SYS1: variants seen among roughly 807,000 people sequenced by gnomAD.
SYS1 encodes protein SYS1 homolog.
Under a neutral mutation model 17.8 loss-of-function variants are expected in SYS1, and 8 were observed. The observed-to-expected ratio is 0.45, with a 90% CI of 0.26 to 0.81. SYS1 has a LOEUF of 0.81. Ranked by LOEUF, SYS1 falls within the 40% of genes least tolerant of loss-of-function variation. The pLI is 0.16. For synonymous variants in SYS1, 95 were observed against 90.9 expected (o/e 1.05, Z -0.26); for missense variants, 161 against 203.9 (o/e 0.79, Z 1.28).
At chr20:45,372,338 G>A (rs1309078972), downstream of SYS1, among the ~76,000 whole-genome samples, 2 of 152,216 alleles carry the variant, frequency 1.3e-5, no homozygotes, top group African/African-American at 2.4e-5. Context: ...CGTTCCCAGT[G>A]GGCAACTGGG....
rs1419680732 is a variant in SYS1 at position 45,375,134 on chromosome 20, C to T, written c.*840C>T. On this transcript the variant is annotated 3_prime_UTR_variant, in exon 4 of 4. Coordinates refer to the SYS1 transcript ENST00000426004. The stretch of plus-strand genomic sequence containing the variant: ...CGCAGGGTGGAGGATCTGCACATCA[C>T]CCTGGGCGCCGGGAGGTGGATTCGT... 5.6e-6 allele frequency: 9 copies of T among 1,614,042 alleles called. No homozygotes were observed. The Admixed American group carries it at 1.5e-4, about 27-fold the overall frequency.
chr20:45,362,631 G>A (rs1241587332), upstream of SYS1, among the ~76,000 whole-genome samples: 1 of 152,210 alleles, frequency 6.6e-6, no homozygotes, highest in East Asian at 1.9e-4. Flanking sequence ...CTCCCAAAGT[G>A]CTGGGATTAC....
At chr20:45,375,149 G>A in exon 4 of SYS1, 2 of 1,614,150 alleles carry the variant, frequency 1.2e-6, no homozygotes, top group Non-Finnish European at 1.7e-6. Context: ...GGCGCCGGGA[G>A]GTGGATTCGT....
At chr20:45,373,669 C>T (rs936991820), downstream of SYS1, 13 of 559,552 alleles carry the variant, frequency 2.3e-5, no homozygotes, top group Non-Finnish European at 3.5e-5. Context: ...AGCACACGAG[C>T]GCCCTGACTT....
At position 45,367,415 on chromosome 20, in the gene SYS1, G is replaced by A. The variant is rs1162657851; in HGVS notation, c.*300G>A. The stretch of plus-strand genomic sequence containing the variant: ...TCTTGAGCCACAATACCTGTCACCA[G>A]CCTGTTGTTTTAAGAGAGAAAAAAA... On this transcript the variant is annotated 3_prime_UTR_variant, in exon 4 of 4. Transcript: ENST00000243918. 8.3e-7 allele frequency: 1 copy of A among 1,201,578 alleles called. No individual in the cohort carries two copies. Among genetic ancestry groups the A allele is most frequent in the African/African-American group, 1.6e-5 (1 of 64,286 alleles). 74.4% of individuals were successfully genotyped at this position (1,201,578 alleles called of 1,614,324 possible).
At chr20:45,371,343 CT>C (rs1988557791), downstream of SYS1, among the ~76,000 whole-genome samples, 1 of 152,186 alleles carries the variant, frequency 6.6e-6, no homozygotes, top group Non-Finnish European at 1.5e-5. Flanking sequence ...ACCGTCCCCC[CT>C]ATCCATTTTA....
chr20:45,375,261 G>A (rs762130637), exon 4 of SYS1: 1 of 1,614,160 alleles, frequency 6.2e-7, no homozygotes, highest in Non-Finnish European at 8.5e-7. Flanking sequence ...AGATGACTCG[G>A]GGGCCCTCGG....
chr20:45,364,378 G>A (rs1184034632), intron 2 of SYS1, among the ~76,000 whole-genome samples: 2 of 151,040 alleles, frequency 1.3e-5, no homozygotes, highest in African/African-American at 4.9e-5. Flanking sequence ...AGGGGTTTAG[G>A]AATAAGAAGG....
Position 45,368,682 on chromosome 20 carries a change from T to C in SYS1, c.*1567T>C, listed in dbSNP as rs1988493185. The C allele has an allele frequency of 2.0e-6, 2 of 985,170 alleles. No individual in the cohort carries two copies. The highest frequency in any genetic ancestry group is 6.2e-5 in the Admixed American group (1 of 16,244). The allele number at this position is 985,170 out of a possible 1,614,324, so 61.0% of individuals were successfully genotyped here. On this transcript the variant is annotated 3_prime_UTR_variant, in exon 4 of 4. Transcript: ENST00000243918. ...AGTAACTCATGGTACCTTGGCCAAG[T>C]TGGAAGGAAGCAGTTTGTTAATGAG...
chr20:45,366,738 C>T lies in SYS1; in HGVS notation c.231-137C>T, dbSNP rs1988428023. The T allele has an allele frequency of 4.1e-6, 3 of 730,662 alleles. No homozygotes were observed. The East Asian group carries it at 7.4e-5, about 18-fold the overall frequency. The allele number at this position is 730,662 out of a possible 1,614,324, so 45.3% of individuals were successfully genotyped here. On this transcript the variant is annotated intron_variant, in intron 3 of 3. Transcript: ENST00000243918. ...TTACCCGCCAGGTTCTTCTAGGCGT[C>T]TGGTATCATAACCCTTGCTTCACAC...
At chr20:45,373,811 G>A (rs1988631852), downstream of SYS1, 4 of 1,217,508 alleles carry the variant, frequency 3.3e-6, no homozygotes, top group Non-Finnish European at 2.4e-6. Context: ...CGCGACACAG[G>A]CTCCCTCTAC....
rs1399513694 is a variant in SYS1, at chr20:45,363,712, G to C, written c.162+19G>C. ...CGCCGAGGTAGGGTCCCCGGACTGG[G>C]GCGGGTGGGGTCTCGGCCTCCCCGA... On this transcript the variant is annotated intron_variant, in intron 2 of 3. Coordinates refer to ENST00000243918, the MANE Select transcript of SYS1 (RefSeq NM_033542.4). 3 of 1,549,932 alleles carry C rather than the reference G, an allele frequency of 1.9e-6. No homozygotes were observed. In the South Asian group the frequency reaches 3.5e-5, roughly 18 times the overall value.
chr20:45,362,460 G>A (rs966763868), upstream of SYS1, among the ~76,000 whole-genome samples: 2 of 152,004 alleles, frequency 1.3e-5, no homozygotes, highest in Admixed American at 6.6e-5. Flanking sequence ...TCTGCCTCCC[G>A]GGTTCAAGCA....
Position 45,368,118 on chromosome 20 carries a change from C to G in SYS1, c.*1003C>G, listed in dbSNP as rs1010677120. On this transcript the variant is annotated 3_prime_UTR_variant, in exon 4 of 4. Transcript: ENST00000243918. ...TACAAATACAGTATTTTCCATGGTT[C>G]TGCCTGCACTTACTTTGTAATGCCA... 3 of 985,412 alleles carry G rather than the reference C, an allele frequency of 3.0e-6. No individual in the cohort carries two copies. The highest frequency in any genetic ancestry group is 3.6e-6 in the Non-Finnish European group (3 of 829,928). The allele number at this position is 985,412 out of a possible 1,614,324, so 61.0% of individuals were successfully genotyped here. A position where few individuals can be genotyped will look rare whatever the true frequency, so the allele number is the denominator to read the frequency against.
chr20:45,367,376 T>C lies in SYS1; in HGVS notation c.*261T>C, dbSNP rs138611053. The C allele has an allele frequency of 1.8e-4, 233 of 1,292,398 alleles. No individual in the cohort carries two copies. Among genetic ancestry groups the C allele is most frequent in the Non-Finnish European group, 2.2e-4 (226 of 1,014,402 alleles). 80.1% of individuals were successfully genotyped at this position (1,292,398 alleles called of 1,614,324 possible). On this transcript the variant is annotated 3_prime_UTR_variant, in exon 4 of 4. Coordinates refer to ENST00000243918, the MANE Select transcript of SYS1 (RefSeq NM_033542.4). ...ACCTCTTTGAGGGTAATAACAGAATTGGAACCATGCCACTCTTGAGCCACA... is the reference window on the plus strand; with the variant it reads ...ACCTCTTTGAGGGTAATAACAGAATCGGAACCATGCCACTCTTGAGCCACA...
At position 45,369,073 on chromosome 20, in the gene SYS1, T is replaced by A. The variant is rs1389252396; in HGVS notation, c.*1958T>A. 2 of 165,292 alleles carry A rather than the reference T, an allele frequency of 1.2e-5. No individual in the cohort carries two copies. The highest frequency in any genetic ancestry group is 4.8e-5 in the African/African-American group (2 of 41,708). The allele number at this position is 165,292 out of a possible 1,614,324, so 10.2% of individuals were successfully genotyped here. Reference sequence around the variant, plus strand: ...GCATGGTAGTTGGGGATCAAAAATATGTGACCTTAATGAGATTTTTATGAT... The same window carrying A: ...GCATGGTAGTTGGGGATCAAAAATAAGTGACCTTAATGAGATTTTTATGAT... On this transcript the variant is annotated 3_prime_UTR_variant, in exon 4 of 4. Transcript: ENST00000243918.
chr20:45,363,845 T>C, intron 2 of SYS1, 152 bp downstream of exon 2: 1 of 844,622 alleles, frequency 1.2e-6, no homozygotes, highest in South Asian at 1.8e-5. Flanking sequence ...AGCTGCCTCA[T>C]CCATAAAATG....
In SYS1 at chr20:45,367,933, C is replaced by G; in HGVS notation, c.*818C>G. 3.0e-6 allele frequency: 3 copies of G among 985,536 alleles called. No individual in the cohort carries two copies. Among genetic ancestry groups the G allele is most frequent in the Non-Finnish European group, 3.6e-6 (3 of 829,928 alleles). 61.0% of individuals were successfully genotyped at this position (985,536 alleles called of 1,614,324 possible). Reference sequence around the variant, plus strand: ...TTTTTTTCCTGCCTTATTTAGAATTCTTTGGCGGGAAGGGTATGATGGGTT... The same window carrying G: ...TTTTTTTCCTGCCTTATTTAGAATTGTTTGGCGGGAAGGGTATGATGGGTT... On this transcript the variant is annotated 3_prime_UTR_variant, in exon 4 of 4. Coordinates refer to ENST00000243918, the MANE Select transcript of SYS1 (RefSeq NM_033542.4).
chr20:45,373,261 C>A, downstream of SYS1: 1 of 154,458 alleles, frequency 6.5e-6, no homozygotes, highest in Non-Finnish European at 1.4e-5. Flanking sequence ...CCATGTCACC[C>A]TGGAGCAGTA....
Sources: allele counts gnomAD v4.1 joint callset (sites outside exome capture counted in the v4.1 genomes callset), GRCh38; gene constraint gnomAD v4.1.1; transcripts MANE v1.5; gene names NCBI Gene and HGNC (gene_info 2026-07-23, HGNC 2026-07-21).